The following PACRG variants were observed in gnomAD, a reference collection of about 807,000 sequenced individuals.
PACRG encodes parkin coregulated, also known as parkin coregulated gene protein.
PACRG carries 29 observed loss-of-function variants against 29.7 expected under a neutral mutation model. The observed-to-expected ratio is 0.98, with a 90% CI of 0.73 to 1.33. The LOEUF (loss-of-function observed/expected upper bound fraction) is 1.33. Among genes scored for constraint, PACRG ranks in the 40% most tolerant of loss-of-function variants. PACRG has a pLI of 0.00. For synonymous variants in PACRG, 116 were observed against 118.7 expected (o/e 0.98, Z 0.15); for missense variants, 279 against 316.2 (o/e 0.88, Z 0.89).
chr6:163,050,026 T>C (rs191864730), intron 2 of PACRG, among the ~76,000 whole-genome samples: 517 of 152,240 alleles, frequency 3.4e-3, no homozygotes, highest in Middle Eastern at 6.8e-3. Flanking sequence ...TATAAACTAA[T>C]TCAGAACTGA....
At chr6:163,240,384 T>C (rs915030990) in intron 4 of PACRG, among the ~76,000 whole-genome samples, 7 of 152,312 alleles carry the variant, frequency 4.6e-5, no homozygotes, top group Middle Eastern at 3.4e-3. Context: ...TGTGGCTGTT[T>C]AAGAGACAAG....
At chr6:162,781,788 G>A (rs1478343750) in intron 1 of PACRG, among the ~76,000 whole-genome samples, 2 of 150,922 alleles carry the variant, frequency 1.3e-5, no homozygotes, top group Admixed American at 1.3e-4. Context: ...AGCCAAAAAA[G>A]GATATAAAAC....
chr6:162,884,974 G>A (rs1336175149), intron 2 of PACRG, among the ~76,000 whole-genome samples: 1 of 152,094 alleles, frequency 6.6e-6, no homozygotes, highest in Non-Finnish European at 1.5e-5. Flanking sequence ...TCTCTGCTCT[G>A]GGTCTCTCAA....
chr6:163,176,072 G>T (rs7768750), intron 4 of PACRG, among the ~76,000 whole-genome samples: 1 of 152,120 alleles, frequency 6.6e-6, no homozygotes, highest in Non-Finnish European at 1.5e-5. Flanking sequence ...AAGTAGACCC[G>T]TTAAGAGCAA....
At chr6:162,754,088 T>C (rs1478627853) in intron 1 of PACRG, among the ~76,000 whole-genome samples, 3 of 152,184 alleles carry the variant, frequency 2.0e-5, no homozygotes. Context: ...GCAATACTAA[T>C]TTACATTCCC....
chr6:162,995,674 G>A (rs560993225), intron 2 of PACRG, among the ~76,000 whole-genome samples: 64 of 152,334 alleles, frequency 4.2e-4, no homozygotes, highest in African/African-American at 1.3e-3. Context: ...CGGTACCTCC[G>A]ATGGAAATGC....
intron 4 of PACRG, chr6:163,183,543 T>A (rs550156399): frequency 1.3e-5 from 2 of 152,076 alleles, no homozygotes; most frequent in South Asian, 4.2e-4. Context: ...GAAGCAGATT[T>A]AGAGGCCAAG....
intron 4 of PACRG, among the ~76,000 whole-genome samples, chr6:163,223,498 A>C (rs2128160016): frequency 6.6e-6 from 1 of 152,330 alleles, no homozygotes; most frequent in East Asian, 1.9e-4. Context: ...GTGCCCACTG[A>C]GCTCCACACA....
intron 2 of PACRG, among the ~76,000 whole-genome samples, chr6:162,890,493 C>T (rs1281235566): frequency 6.6e-6 from 1 of 152,202 alleles, no homozygotes; most frequent in Non-Finnish European, 1.5e-5. Context: ...TCACCACAAT[C>T]AAAACTGTTT....
chr6:162,787,651 A>T (rs993866905), intron 1 of PACRG, among the ~76,000 whole-genome samples: 2 of 141,768 alleles, frequency 1.4e-5, no homozygotes, highest in Non-Finnish European at 3.0e-5. Context: ...CTAGGCAGAC[A>T]TATGTCTGAA....
At chr6:162,874,853 TCA>T (rs1465265146) in intron 2 of PACRG, among the ~76,000 whole-genome samples, 6 of 151,578 alleles carry the variant, frequency 4.0e-5, no homozygotes, top group African/African-American at 1.5e-4. Flanking sequence ...TTCACATCAT[TCA>T]CACAGATTCT....
chr6:163,250,578 CT>C (rs1782863592), intron 4 of PACRG, among the ~76,000 whole-genome samples: 1 of 152,176 alleles, frequency 6.6e-6, no homozygotes, highest in South Asian at 2.1e-4. Context: ...GACAGTTTGA[CT>C]TCCTCTTTAC....
intron 4 of PACRG, among the ~76,000 whole-genome samples, chr6:163,200,349 G>A (rs916497384): frequency 2.0e-5 from 3 of 152,054 alleles, no homozygotes; most frequent in Admixed American, 2.0e-4. Flanking sequence ...CCCAGTGTGG[G>A]CTTATATATA....
At chr6:162,910,672 T>A (rs1303139765) in intron 2 of PACRG, among the ~76,000 whole-genome samples, 1 of 152,208 alleles carries the variant, frequency 6.6e-6, no homozygotes, top group Non-Finnish European at 1.5e-5. Context: ...ATGGCAGAAG[T>A]TTATTCAGGA....
At chr6:163,261,612 ACT>A (rs1783328341) in intron 4 of PACRG, among the ~76,000 whole-genome samples, 1 of 152,142 alleles carries the variant, frequency 6.6e-6, no homozygotes, top group South Asian at 2.1e-4. Context: ...CTCGCAGGAC[ACT>A]CGGCCCTGCT....
At chr6:162,795,986 C>T (rs1276874684) in intron 1 of PACRG, among the ~76,000 whole-genome samples, 1 of 152,166 alleles carries the variant, frequency 6.6e-6, no homozygotes, top group African/African-American at 2.4e-5. Context: ...GTGGTTTTCT[C>T]TGAGTAAATG....
At chr6:163,309,728 A>G (rs572042075) in intron 4 of PACRG, among the ~76,000 whole-genome samples, 1 of 152,140 alleles carries the variant, frequency 6.6e-6, no homozygotes, top group African/African-American at 2.4e-5. Flanking sequence ...CAGGCATCTC[A>G]GGCAGGAGAG....
At chr6:162,995,725 T>C (rs1274395568) in intron 2 of PACRG, among the ~76,000 whole-genome samples, 1 of 152,250 alleles carries the variant, frequency 6.6e-6, no homozygotes, top group Non-Finnish European at 1.5e-5. Context: ...CTGGGAGCTG[T>C]AGACCGGAGC....
chr6:162,758,066 T>TC (rs1231674150), intron 1 of PACRG, among the ~76,000 whole-genome samples: 2 of 152,176 alleles, frequency 1.3e-5, no homozygotes, highest in African/African-American at 4.8e-5. Context: ...GAGTGCAAGT[T>TC]GGTATTAATT....
Sources: allele counts gnomAD v4.1 joint callset (sites outside exome capture counted in the v4.1 genomes callset), GRCh38; gene constraint gnomAD v4.1.1; transcripts MANE v1.5; gene names NCBI Gene and HGNC (gene_info 2026-07-23, HGNC 2026-07-21).